The following LIPA variants were observed in gnomAD, a reference collection of about 807,000 sequenced individuals.
LIPA encodes the protein lipase A, lysosomal acid type.
Under a neutral mutation model 40.6 loss-of-function variants are expected in LIPA, and 26 were observed. That is an observed-to-expected ratio of 0.64 (90% CI 0.47 to 0.89). The LOEUF (loss-of-function observed/expected upper bound fraction) is 0.89. Among genes scored for constraint, LIPA ranks in the 40% least tolerant of loss-of-function variants. The pLI is 0.00. For missense variants in LIPA, 455 were observed against 479.6 expected (o/e 0.95, Z 0.48); for synonymous variants, 188 against 168.4 (o/e 1.12, Z -0.90).
intron 2 of LIPA, among the ~76,000 whole-genome samples, chr10:89,409,952 T>C (rs528334530): frequency 2.0e-4 from 31 of 152,184 alleles, no homozygotes; most frequent in Non-Finnish European, 4.0e-4. Context: ...AGTCTGGGCA[T>C]TGGAAGAAAC....
At chr10:89,300,352 G>A (rs962433054) in intron 1 of LIPA, among the ~76,000 whole-genome samples, 1 of 152,118 alleles carries the variant, frequency 6.6e-6, no homozygotes, top group South Asian at 2.1e-4. Context: ...TTTGATAGCC[G>A]ACTAGGGTGA....
intron 2 of LIPA, chr10:89,392,466 T>TCCTCCCC: frequency 3.5e-6 from 1 of 285,990 alleles, no homozygotes. Context: ...AAAGTTTCAT[T>TCCTCCCC]CCCCACCCCC....
intron 8 of LIPA, among the ~76,000 whole-genome samples, chr10:89,222,174 G>A (rs912849269): frequency 2.6e-5 from 4 of 152,118 alleles, no homozygotes; most frequent in Admixed American, 6.5e-5. Flanking sequence ...AGGACTCAAT[G>A]AGAAGCAGAT....
At position 89,259,543 on chromosome 10, in the gene LIPA, CT is replaced by C. The variant is rs1224503159; in HGVS notation, c.-1-11895del. Among the ~76,000 whole-genome samples, 3 of 152,144 alleles carry C rather than the reference CT, an allele frequency of 2.0e-5. No individual in the cohort carries two copies. In the South Asian group the frequency reaches 6.2e-4, roughly 32 times the overall value. ...TACCATATGGCCCAGCTATTCTACT[CT>C]TAAGTATTTACTCAAGAGAAATGAA... On this transcript the variant is annotated intron_variant, in intron 1 of 5. Transcript: ENST00000282673.
Position 89,350,046 on chromosome 10 carries a change from A to G in LIPA, c.61+62745T>C, listed in dbSNP as rs553223709. On this transcript the variant is annotated intron_variant, in intron 2 of 8. Coordinates refer to the LIPA transcript ENST00000371837. ...TCATCTACCATTAGTTTCCCCAAAT[A>G]TTTGTCTTTGCACAATTTGACACCC... Among the ~76,000 whole-genome samples, 132 of 152,170 alleles carry G rather than the reference A, an allele frequency of 8.7e-4. 1 individual carries two copies. The Middle Eastern group carries it at 0.027, about 32-fold the overall frequency.
At chr10:89,222,972 T>C (rs1429691873) in intron 7 of LIPA, among the ~76,000 whole-genome samples, 2 of 152,190 alleles carry the variant, frequency 1.3e-5, no homozygotes, top group African/African-American at 4.8e-5. Context: ...AACCCTTTTT[T>C]TCAAAATGCC....
In LIPA at chr10:89,402,751, G is replaced by A. The variant is rs139017158; in HGVS notation, c.61+10040C>T. Reference sequence around the variant, plus strand: ...AAGTGTGGAGGAAAAAATTATGAACGGGCCAAGGCCTGCTTTGAAAAGGTG... The same window carrying A: ...AAGTGTGGAGGAAAAAATTATGAACAGGCCAAGGCCTGCTTTGAAAAGGTG... On this transcript the variant is annotated intron_variant, in intron 2 of 8. Coordinates refer to the LIPA transcript ENST00000371837. The A allele has an allele frequency of 1.1e-4, 183 of 1,614,078 alleles. 1 individual carries two copies. The highest frequency in any genetic ancestry group is 1.5e-4 in the Non-Finnish European group (179 of 1,180,036).
At chr10:89,217,535 C>G (rs1015721814) in intron 8 of LIPA, among the ~76,000 whole-genome samples, 1 of 152,206 alleles carries the variant, frequency 6.6e-6, no homozygotes, top group Non-Finnish European at 1.5e-5. Flanking sequence ...TATGAAGCAC[C>G]AGCGTGAGCA....
intron 1 of LIPA, chr10:89,342,458 C>T (rs781732109): frequency 1.2e-4 from 19 of 152,302 alleles, no homozygotes; most frequent in African/African-American, 2.4e-4. Flanking sequence ...ACAAAAGAAC[C>T]TTTAGGGCAA....
intron 1 of LIPA, among the ~76,000 whole-genome samples, chr10:89,319,604 T>C (rs868220800): frequency 6.6e-6 from 1 of 152,214 alleles, no homozygotes; most frequent in East Asian, 1.9e-4. Context: ...CATGACCAGA[T>C]GGATTCACAA....
chr10:89,369,936 A>G (rs1331279162), intron 2 of LIPA, among the ~76,000 whole-genome samples: 1 of 152,260 alleles, frequency 6.6e-6, no homozygotes, highest in Non-Finnish European at 1.5e-5. Flanking sequence ...AATGAACTAT[A>G]TTAAAGCTAT....
chr10:89,301,069 G>A (rs917177594), intron 1 of LIPA, among the ~76,000 whole-genome samples: 2 of 152,110 alleles, frequency 1.3e-5, no homozygotes, highest in African/African-American at 4.8e-5. Flanking sequence ...GACATTTCAC[G>A]TATTCTCTCA....
intron 2 of LIPA, among the ~76,000 whole-genome samples, chr10:89,394,381 TAAGATCACAC>T (rs1844302838): frequency 6.6e-6 from 1 of 152,030 alleles, no homozygotes; most frequent in Non-Finnish European, 1.5e-5. Flanking sequence ...TTAGAAATGT[TAAGATCACAC>T]AGACAATAAG....
At chr10:89,295,241 A>C (rs1843406312) in intron 1 of LIPA, among the ~76,000 whole-genome samples, 1 of 152,174 alleles carries the variant, frequency 6.6e-6, no homozygotes, top group Admixed American at 6.5e-5. Context: ...TGTGGGGATC[A>C]AGAGAACCCA....
intron 1 of LIPA, among the ~76,000 whole-genome samples, chr10:89,335,936 T>C (rs1427735957): frequency 2.0e-5 from 3 of 152,172 alleles, no homozygotes; most frequent in Non-Finnish European, 2.9e-5. Flanking sequence ...TTTTGACTTG[T>C]AGTCCTTCAT....
rs141911435 is a variant in LIPA, at chr10:89,339,074, G to C, written c.-2+3537C>G. The C allele has an allele frequency of 2.5e-5, 40 of 1,613,966 alleles. No individual in the cohort carries two copies. In the African/African-American group the frequency reaches 4.9e-4, roughly 20 times the overall value. On this transcript the variant is annotated intron_variant, in intron 1 of 5. Transcript: ENST00000282673. Reference sequence around the variant, plus strand: ...AGTATTGAGTATTCTGAACTTGACTGTGAGGAAGGGTGGACACAACTGAAG... The same window carrying C: ...AGTATTGAGTATTCTGAACTTGACTCTGAGGAAGGGTGGACACAACTGAAG...
chr10:89,368,800 G>A (rs1844075553), intron 2 of LIPA, among the ~76,000 whole-genome samples: 1 of 151,938 alleles, frequency 6.6e-6, no homozygotes, highest in Non-Finnish European at 1.5e-5. Flanking sequence ...TAAGGATGGA[G>A]AAAAAAATCT....
chr10:89,324,129 T>C (rs1329734843), intron 1 of LIPA, among the ~76,000 whole-genome samples: 1 of 151,830 alleles, frequency 6.6e-6, no homozygotes, highest in Admixed American at 6.6e-5. Flanking sequence ...CTTTGAACTA[T>C]ACTACAAGGC....
intron 1 of LIPA, among the ~76,000 whole-genome samples, chr10:89,322,383 G>C (rs186993115): frequency 5.9e-5 from 9 of 152,224 alleles, no homozygotes; most frequent in Non-Finnish European, 1.0e-4. Flanking sequence ...AGATGTAAGG[G>C]GATTACAGAG....
Sources: gnomAD v4.1 joint callset for allele counts (sites outside exome capture counted in the v4.1 genomes callset) on GRCh38, gnomAD v4.1.1 for gene constraint, MANE v1.5 for transcripts, NCBI Gene and HGNC (gene_info 2026-07-23, HGNC 2026-07-21) for gene names.